TRIM14: variants seen among roughly 807,000 people sequenced by gnomAD.
The protein encoded by TRIM14 is tripartite motif-containing protein 14.
Under a neutral mutation model 44.5 loss-of-function variants are expected in TRIM14, and 28 were observed. The observed-to-expected ratio is 0.63, with a 90% CI of 0.47 to 0.86. The LOEUF is 0.86. Among genes scored for constraint, TRIM14 ranks in the 40% least tolerant of loss-of-function variants. TRIM14 has a pLI of 0.00. For synonymous variants in TRIM14, 299 were observed against 269.2 expected, an observed-to-expected ratio of 1.11 and a Z score of -1.08; for missense variants, 607 against 611.1, an observed-to-expected ratio of 0.99 and a Z score of 0.07.
At chr9:98,065,911 C>T (rs947029566), downstream of TRIM14, among the ~76,000 whole-genome samples, 1 of 152,120 alleles carries the variant, frequency 6.6e-6, no homozygotes, top group Admixed American at 6.6e-5. Context: ...TTTTGCCCCC[C>T]ACCATGATTC....
chr9:98,041,663 GT>G, the TRIM14 span, among the ~76,000 whole-genome samples: 1 of 150,244 alleles, frequency 6.7e-6, no homozygotes, highest in Non-Finnish European at 1.5e-5. Flanking sequence ...GGCTAATTTT[GT>G]TTTTTGTTTT....
intron 1 of TRIM14, among the ~76,000 whole-genome samples, chr9:98,110,607 C>A (rs1266571772): frequency 6.6e-6 from 1 of 152,156 alleles, no homozygotes; most frequent in Non-Finnish European, 1.5e-5. Flanking sequence ...GGGCCCAGAT[C>A]TGGCTGCCCC....
intron 1 of TRIM14, among the ~76,000 whole-genome samples, chr9:98,112,582 C>CCT (rs1564190553): frequency 6.6e-6 from 1 of 151,822 alleles, no homozygotes; most frequent in African/African-American, 2.4e-5. Context: ...AGGCAGATCA[C>CCT]GAAGTCAGGA....
At chr9:98,055,669 G>A in the TRIM14 span, among the ~76,000 whole-genome samples, 1 of 152,086 alleles carries the variant, frequency 6.6e-6, no homozygotes, top group Non-Finnish European at 1.5e-5. Flanking sequence ...TCCTACAAAG[G>A]CAGTCTAGTT....
chr9:98,043,744 G>C, the TRIM14 span, among the ~76,000 whole-genome samples: 7 of 151,578 alleles, frequency 4.6e-5, no homozygotes, highest in African/African-American at 1.7e-4. Flanking sequence ...AAAAAGTTTG[G>C]ATCTAAACAG....
downstream of TRIM14, among the ~76,000 whole-genome samples, chr9:98,083,603 C>A (rs1289919055): frequency 6.6e-6 from 1 of 152,234 alleles, no homozygotes; most frequent in Non-Finnish European, 1.5e-5. Context: ...GCATGTGTTC[C>A]TTCTCTGAAC....
intron 2 of TRIM14, among the ~76,000 whole-genome samples, chr9:98,108,552 C>A (rs1331124134): frequency 6.6e-6 from 1 of 152,128 alleles, no homozygotes; most frequent in Non-Finnish European, 1.5e-5. Flanking sequence ...CAGGCATTTG[C>A]AGACAGGGAG....
chr9:98,081,952 G>A (rs546336671), downstream of TRIM14: 1 of 152,324 alleles, frequency 6.6e-6, no homozygotes, highest in East Asian at 1.9e-4. Flanking sequence ...TAACAGCTGA[G>A]CACTTAATTT....
chr9:98,064,074 C>A, the TRIM14 span, among the ~76,000 whole-genome samples: 3 of 152,194 alleles, frequency 2.0e-5, no homozygotes, highest in Non-Finnish European at 4.4e-5. Flanking sequence ...AAGAAGCACA[C>A]ATGCAGCTCA....
intron 2 of TRIM14, among the ~76,000 whole-genome samples, chr9:98,101,219 C>G (rs531892235): frequency 6.6e-6 from 1 of 152,156 alleles, no homozygotes; most frequent in Non-Finnish European, 1.5e-5. Context: ...AGGTGATCCA[C>G]CTGCCTCAGC....
chr9:98,083,964 T>A (rs1257622581), downstream of TRIM14, among the ~76,000 whole-genome samples: 1 of 152,156 alleles, frequency 6.6e-6, no homozygotes, highest in Non-Finnish European at 1.5e-5. Flanking sequence ...GAATGCCCCA[T>A]CCCTGGAGAT....
chr9:98,110,327 A>C, intron 1 of TRIM14: 1 of 309,434 alleles, frequency 3.2e-6, no homozygotes, highest in Non-Finnish European at 6.2e-6. Flanking sequence ...ACATCTACTT[A>C]TGGAGTATTA....
chr9:98,113,784 G>C (rs1009368707), intron 1 of TRIM14, among the ~76,000 whole-genome samples: 7 of 152,230 alleles, frequency 4.6e-5, no homozygotes, highest in African/African-American at 1.7e-4. Context: ...GTCCCATGCT[G>C]TCTTTATTAG....
intron 4 of TRIM14, 57 bp downstream of exon 4, chr9:98,094,810 T>C: frequency 6.4e-7 from 1 of 1,570,302 alleles, no homozygotes; most frequent in Non-Finnish European, 8.7e-7. Flanking sequence ...CATTCGTCTC[T>C]GGGCTAAAGG....
downstream of TRIM14, among the ~76,000 whole-genome samples, chr9:98,079,577 GTTA>G (rs1829756247): frequency 6.6e-6 from 1 of 151,960 alleles, no homozygotes; most frequent in African/African-American, 2.4e-5. Flanking sequence ...TCTAAATCAC[GTTA>G]TTTTTAAAAT....
chr9:98,083,037 CA>C (rs34624194), downstream of TRIM14: 1 of 1,613,340 alleles, frequency 6.2e-7, no homozygotes, highest in Non-Finnish European at 8.5e-7. Flanking sequence ...ATAATCATGG[CA>C]AAAAAATCAA....
the TRIM14 span, among the ~76,000 whole-genome samples, chr9:98,045,921 A>G: frequency 6.6e-6 from 1 of 152,174 alleles, no homozygotes; most frequent in Admixed American, 6.5e-5. Context: ...TTCTGTTCCA[A>G]ACTGGGTTTG....
Position 98,085,970 on chromosome 9 carries a change from C to T in TRIM14, c.*1500G>A, listed in dbSNP as rs75910532. 0.01 allele frequency: 1,557 copies of T among 152,326 alleles called. 30 individuals are homozygous for T. The highest frequency in any genetic ancestry group is 0.035 in the African/African-American group (1,455 of 41,528). 9.4% of individuals were successfully genotyped at this position (152,326 alleles called of 1,614,324 possible). On this transcript the variant is annotated 3_prime_UTR_variant, in exon 6 of 6. Coordinates refer to ENST00000341469, the MANE Select transcript of TRIM14 (RefSeq NM_014788.4). ...AAAACAGGACGCAGAACCTTCAGAA[C>T]GGAGACACAAATCCCTGGAAAGAAG...
intron 6 of TRIM14, among the ~76,000 whole-genome samples, chr9:98,070,986 A>T (rs1829315909): frequency 6.7e-6 from 1 of 150,078 alleles, no homozygotes; most frequent in Non-Finnish European, 1.5e-5. Context: ...TAATTTCTAA[A>T]TTTTTTTGTA....
Sources: allele counts gnomAD v4.1 joint callset (sites outside exome capture counted in the v4.1 genomes callset), GRCh38; gene constraint gnomAD v4.1.1; transcripts MANE v1.5; gene names NCBI Gene and HGNC (gene_info 2026-07-23, HGNC 2026-07-21).